The following TRAPPC3L variants were observed in gnomAD, a reference collection of about 807,000 sequenced individuals.
TRAPPC3L encodes trafficking protein particle complex subunit 3-like protein.
A neutral mutation model predicts 23.7 loss-of-function variants in TRAPPC3L; 23 were observed. The observed-to-expected ratio is 0.97, with a 90% CI of 0.70 to 1.37. The LOEUF is 1.37. TRAPPC3L is among the 40% of genes most tolerant of loss of function. The probability of loss-of-function intolerance (pLI) is 0.00; values close to 1 mark genes in which losing one functional copy is unlikely to be tolerated. For missense variants in TRAPPC3L, 212 were observed against 216.8 expected (o/e 0.98, Z 0.14); for synonymous variants, 81 against 77.9 (o/e 1.04, Z -0.21).
intron 3 of TRAPPC3L, chr6:116,512,492 T>A (rs377312597): frequency 1.8e-4 from 76 of 429,992 alleles, no homozygotes; most frequent in East Asian, 1.6e-3. Context: ...TATAAATACT[T>A]AAGTACTTTA....
chr6:116,532,362 T>G (rs770362759), intron 3 of TRAPPC3L, among the ~76,000 whole-genome samples: 5 of 152,182 alleles, frequency 3.3e-5, no homozygotes, highest in Admixed American at 6.5e-5. Flanking sequence ...CTTGCCTCCC[T>G]GAGAGAGGGA....
At chr6:116,521,031 G>T (rs1276139896) in intron 3 of TRAPPC3L, 1 of 151,724 alleles carries the variant, frequency 6.6e-6, no homozygotes. Flanking sequence ...GGGTTCTCCA[G>T]AGAAACAGAA....
intron 2 of TRAPPC3L, among the ~76,000 whole-genome samples, chr6:116,541,257 G>A (rs1327213923): frequency 2.6e-5 from 4 of 152,140 alleles, no homozygotes; most frequent in African/African-American, 4.8e-5. Context: ...ACAAAGAAAG[G>A]TCAGAATCTC....
intron 3 of TRAPPC3L, among the ~76,000 whole-genome samples, chr6:116,504,058 A>C (rs1284112804): frequency 2.0e-5 from 3 of 151,974 alleles, no homozygotes; most frequent in African/African-American, 7.2e-5. Context: ...CACACACACA[A>C]AAAAACCCTT....
intron 3 of TRAPPC3L, chr6:116,521,070 A>G (rs1772327637): frequency 6.6e-6 from 1 of 151,696 alleles, no homozygotes; most frequent in African/African-American, 2.4e-5. Flanking sequence ...ATATACATAC[A>G]TACATATATA....
At chr6:116,502,519 A>T (rs1027934258) in intron 3 of TRAPPC3L, among the ~76,000 whole-genome samples, 2 of 152,214 alleles carry the variant, frequency 1.3e-5, no homozygotes, top group Non-Finnish European at 2.9e-5. Context: ...CAGGAAATAC[A>T]GAGAACACCA....
At chr6:116,512,277 T>G in intron 3 of TRAPPC3L, 1 of 1,550,156 alleles carries the variant, frequency 6.5e-7, no homozygotes, top group South Asian at 1.2e-5. Context: ...CAGCATGAGC[T>G]CGAAGTATTC....
chr6:116,544,851 A>G (rs1773677669), intron 1 of TRAPPC3L, among the ~76,000 whole-genome samples: 1 of 152,088 alleles, frequency 6.6e-6, no homozygotes, highest in Admixed American at 6.6e-5. Context: ...AATTAACAGA[A>G]TTTTAAAGTT....
chr6:116,515,256 C>G (rs1328313342), intron 3 of TRAPPC3L, among the ~76,000 whole-genome samples: 1 of 152,154 alleles, frequency 6.6e-6, no homozygotes, highest in Admixed American at 6.6e-5. Flanking sequence ...TACTTATGCA[C>G]AGAATATTTT....
intron 4 of TRAPPC3L, among the ~76,000 whole-genome samples, chr6:116,500,111 T>A (rs977707706): frequency 2.6e-5 from 4 of 152,196 alleles, no homozygotes; most frequent in African/African-American, 9.6e-5. Context: ...AGGAACTTCA[T>A]GAAGCTTCCT....
At chr6:116,500,430 C>T in intron 4 of TRAPPC3L, 51 bp downstream of exon 4, 1 of 1,461,390 alleles carries the variant, frequency 6.8e-7, no homozygotes, top group South Asian at 1.3e-5. Flanking sequence ...TTATTTTAGC[C>T]TTAGAAGGAC....
At chr6:116,499,719 T>C (rs1771884547) in intron 4 of TRAPPC3L, among the ~76,000 whole-genome samples, 1 of 152,190 alleles carries the variant, frequency 6.6e-6, no homozygotes, top group Non-Finnish European at 1.5e-5. Flanking sequence ...CCCAAGGCTT[T>C]TATCTAACTC....
At chr6:116,514,566 C>T (rs543275373) in intron 3 of TRAPPC3L, among the ~76,000 whole-genome samples, 24 of 152,278 alleles carry the variant, frequency 1.6e-4, no homozygotes, top group Middle Eastern at 3.4e-3. Context: ...GAGTAACCCT[C>T]GTTTCACAAG....
At chr6:116,534,511 C>T (rs1284570524) in intron 3 of TRAPPC3L, among the ~76,000 whole-genome samples, 4 of 152,166 alleles carry the variant, frequency 2.6e-5, no homozygotes, top group African/African-American at 9.7e-5. Flanking sequence ...GTACACTCAA[C>T]TCTAATCTCA....
intron 3 of TRAPPC3L, among the ~76,000 whole-genome samples, chr6:116,526,358 T>C (rs1335100263): frequency 6.6e-6 from 1 of 152,334 alleles, no homozygotes; most frequent in East Asian, 1.9e-4. Context: ...CGTGGCAGCC[T>C]TAACCTGCAG....
At chr6:116,521,029 C>T (rs956798879) in intron 3 of TRAPPC3L, 7 of 151,228 alleles carry the variant, frequency 4.6e-5, no homozygotes, top group African/African-American at 1.7e-4. Context: ...CAGGGTTCTC[C>T]AGAGAAACAG....
At chr6:116,511,183 G>GAGAT (rs371971656) in intron 3 of TRAPPC3L, among the ~76,000 whole-genome samples, 5 of 141,516 alleles carry the variant, frequency 3.5e-5, no homozygotes, top group African/African-American at 5.2e-5. Context: ...AAAAGCTATT[G>GAGAT]ATATATATAT....
chr6:116,543,290 G>A lies in TRAPPC3L; in HGVS notation c.140+13C>T. On this transcript the variant is annotated intron_variant, in intron 2 of 4. Coordinates refer to ENST00000368602, the MANE Select transcript of TRAPPC3L (RefSeq NM_001139444.3). ...CAACAGCCATTCAATAAGAATGAAG[G>A]ACTTCCACTTACATTTTATCTAAAT... 1 of 1,534,380 alleles carries A rather than the reference G, an allele frequency of 6.5e-7. No individual in the cohort carries two copies.
chr6:116,541,032 A>T (rs2115238714), intron 2 of TRAPPC3L, among the ~76,000 whole-genome samples: 1 of 152,008 alleles, frequency 6.6e-6, no homozygotes, highest in African/African-American at 2.4e-5. Context: ...AGTTCAGAAA[A>T]CTCATTTTTC....
Sources: allele counts gnomAD v4.1 joint callset (sites outside exome capture counted in the v4.1 genomes callset), GRCh38; gene constraint gnomAD v4.1.1; transcripts MANE v1.5; gene names NCBI Gene and HGNC (gene_info 2026-07-23, HGNC 2026-07-21).